Variants in MCPH1 observed in about 807,000 individuals in gnomAD.
MCPH1 encodes the protein microcephalin.
A neutral mutation model predicts 84.5 loss-of-function variants in MCPH1; 104 were observed. That is an observed-to-expected ratio of 1.23 (90% CI 1.05 to 1.45). MCPH1 has a LOEUF of 1.45. Ranked by LOEUF, MCPH1 falls within the 40% of genes most tolerant of loss-of-function variation. MCPH1 has a pLI of 0.00. For synonymous variants in MCPH1, 514 were observed against 366.8 expected (o/e 1.40, Z -4.58); for missense variants, 1,498 against 1,005.7 (o/e 1.49, Z -6.62).
chr8:6,442,304 A>G (rs1466547733), intron 7 of MCPH1, 148 bp downstream of exon 7: 6 of 639,488 alleles, frequency 9.4e-6, no homozygotes, highest in Non-Finnish European at 1.6e-5. Context: ...ATTAGGTATT[A>G]TAATAAAATT....
chr8:6,519,737 A>G (rs1352107454), intron 12 of MCPH1: 4 of 1,185,260 alleles, frequency 3.4e-6, no homozygotes, highest in Non-Finnish European at 4.6e-6. Context: ...CTGCCCAGTA[A>G]CTATGGCTTT....
In MCPH1 at chr8:6,607,801, G is replaced by T. The variant is rs114270248; in HGVS notation, c.2215-13653G>T. Among the ~76,000 whole-genome samples the T allele has an allele frequency of 6.2e-3, 948 of 152,288 alleles. 10 individuals are homozygous for T. Among genetic ancestry groups the T allele is most frequent in the African/African-American group, 0.022 (895 of 41,560 alleles). ...TGTCCACCTTCTGCCGTGATTGTGA[G>T]GCCTCCCCAGGCAGGTGGAACTGTG... On this transcript the variant is annotated intron_variant, in intron 12 of 13. Coordinates refer to ENST00000344683, the MANE Select transcript of MCPH1 (RefSeq NM_024596.5).
At chr8:6,602,180 G>C (rs1829422835) in intron 12 of MCPH1, among the ~76,000 whole-genome samples, 1 of 152,254 alleles carries the variant, frequency 6.6e-6, no homozygotes, top group Non-Finnish European at 1.5e-5. Flanking sequence ...TGAGCAGAAA[G>C]ACTTAGGAAG....
At position 6,495,377 on chromosome 8, in the gene MCPH1, A is replaced by G. The variant is rs553029835; in HGVS notation, c.2137-4475A>G. On this transcript the variant is annotated intron_variant, in intron 11 of 13. Transcript: ENST00000344683. ...AAAAGATGGACATTGGTTTAAACCC[A>G]GTTGTTGAATTCTGTGCTTTTAACC... is the stretch of plus-strand genomic sequence containing the variant. Among the ~76,000 whole-genome samples the G allele has an allele frequency of 7.2e-5, 11 of 152,332 alleles. No individual in the cohort carries two copies. The South Asian group carries it at 2.3e-3, about 32-fold the overall frequency.
intron 12 of MCPH1, among the ~76,000 whole-genome samples, chr8:6,535,037 G>C (rs1224628942): frequency 1.3e-5 from 2 of 152,132 alleles, no homozygotes; most frequent in Non-Finnish European, 2.9e-5. Context: ...GGGAGGCTTG[G>C]AACTATAGAG....
At chr8:6,419,687 T>G (rs1036989399) in intron 3 of MCPH1, among the ~76,000 whole-genome samples, 1 of 151,866 alleles carries the variant, frequency 6.6e-6, no homozygotes, top group Non-Finnish European at 1.5e-5. Flanking sequence ...ATTAAAGAAT[T>G]TTTTTTATAG....
intron 2 of MCPH1, among the ~76,000 whole-genome samples, chr8:6,411,893 G>C (rs1219557728): frequency 6.6e-6 from 1 of 152,144 alleles, no homozygotes; most frequent in Non-Finnish European, 1.5e-5. Context: ...TGCTCTTATA[G>C]GGAGTTTAGT....
chr8:6,477,731 G>A lies in MCPH1; in HGVS notation c.1973+100G>A, dbSNP rs578023711. On this transcript the variant is annotated intron_variant, in intron 10 of 13. Coordinates refer to ENST00000344683, the MANE Select transcript of MCPH1 (RefSeq NM_024596.5). Reference sequence around the variant, plus strand: ...TTTAGGCAACTTGTCAATCTGTCCTGTATCACTTTTACTTTATAAAATTAA... The same window carrying A: ...TTTAGGCAACTTGTCAATCTGTCCTATATCACTTTTACTTTATAAAATTAA... 7 of 890,824 alleles carry A rather than the reference G, an allele frequency of 7.9e-6. No homozygotes were observed. The African/African-American group carries it at 1.2e-4, about 15-fold the overall frequency. The allele number at this position is 890,824 out of a possible 1,614,324, so 55.2% of individuals were successfully genotyped here.
intron 12 of MCPH1, among the ~76,000 whole-genome samples, chr8:6,505,391 GTATATAGAATATATATATTCT>G (rs1813295381): frequency 8.2e-5 from 4 of 48,916 alleles, no homozygotes; most frequent in Non-Finnish European, 9.1e-5. Flanking sequence ...CTTTCTATAT[GTATATAGAATATATATATTCT>G]TTATATACAT....
chr8:6,413,400 G>A (rs182776403), intron 2 of MCPH1, among the ~76,000 whole-genome samples: 115 of 150,308 alleles, frequency 7.7e-4, no homozygotes, highest in Middle Eastern at 3.4e-3. Context: ...TTCTTGTGCT[G>A]GGCCTTTGTG....
chr8:6,508,879 C>G (rs1351467718), intron 12 of MCPH1: 2 of 1,612,818 alleles, frequency 1.2e-6, no homozygotes, highest in Admixed American at 1.7e-5. Context: ...GCCTTTCCCT[C>G]TATGAAATCA....
At chr8:6,503,652 T>G (rs571177978) in intron 12 of MCPH1, among the ~76,000 whole-genome samples, 22 of 152,356 alleles carry the variant, frequency 1.4e-4, no homozygotes, top group Non-Finnish European at 1.3e-4. Context: ...CATGGTGGGC[T>G]GGACTCGCTC....
In MCPH1 at chr8:6,474,231, A is replaced by G. The variant is rs911004420; in HGVS notation, c.1936-3363A>G. 1.1e-5 allele frequency: 7 copies of G among 635,906 alleles called. No individual in the cohort carries two copies. The South Asian group carries it at 1.2e-4, about 11-fold the overall frequency. 39.4% of individuals were successfully genotyped at this position (635,906 alleles called of 1,614,324 possible). On this transcript the variant is annotated intron_variant, in intron 9 of 13. Transcript: ENST00000344683. ...TTATACTCTTCATCATAGTCGTCAT[A>G]CAATTGCTTTTCTCAAGCTAAATCA...
intron 13 of MCPH1, 149 bp downstream of exon 13, chr8:6,621,840 G>C (rs1324341934): frequency 9.5e-7 from 1 of 1,048,082 alleles, no homozygotes; most frequent in Admixed American, 1.8e-5. Flanking sequence ...TGGCAGCGTC[G>C]TGTGGTCACC....
chr8:6,432,122 C>T (rs1801926907), intron 4 of MCPH1, among the ~76,000 whole-genome samples: 2 of 152,178 alleles, frequency 1.3e-5, no homozygotes. Flanking sequence ...CTACACAAAT[C>T]CTCCCGTATA....
intron 12 of MCPH1, among the ~76,000 whole-genome samples, chr8:6,555,910 G>C (rs971100148): frequency 3.3e-5 from 5 of 152,128 alleles, no homozygotes; most frequent in African/African-American, 1.2e-4. Context: ...TTTCCTAGCA[G>C]CTTCAGCACC....
intron 12 of MCPH1, among the ~76,000 whole-genome samples, chr8:6,541,303 A>C (rs1821519062): frequency 6.6e-6 from 1 of 152,294 alleles, no homozygotes; most frequent in Non-Finnish European, 1.5e-5. Flanking sequence ...CCCAAGTCTC[A>C]TGGGCCCCAG....
At chr8:6,642,412 A>T (rs938869487) in intron 13 of MCPH1, among the ~76,000 whole-genome samples, 5 of 152,122 alleles carry the variant, frequency 3.3e-5, no homozygotes, top group Non-Finnish European at 7.4e-5. Flanking sequence ...GCAACTTGTG[A>T]TTTTCATAAA....
chr8:6,463,082 G>A (rs980533103), intron 9 of MCPH1, among the ~76,000 whole-genome samples: 1 of 152,218 alleles, frequency 6.6e-6, no homozygotes, highest in African/African-American at 2.4e-5. Context: ...TCTTGGGCAG[G>A]GGGTGAGTAT....
Sources: allele counts gnomAD v4.1 joint callset (sites outside exome capture counted in the v4.1 genomes callset), GRCh38; gene constraint gnomAD v4.1.1; transcripts MANE v1.5; gene names NCBI Gene and HGNC (gene_info 2026-07-23, HGNC 2026-07-21).